PER2: variants seen among roughly 807,000 people sequenced by gnomAD.
The protein encoded by PER2 is period circadian regulator 2, also known as period circadian protein homolog 2.
In PER2, 66 loss-of-function variants were observed where a neutral mutation model predicts 121.0. The ratio of observed to expected loss-of-function variants is 0.55; its 90% CI spans 0.45 to 0.67. PER2 has a LOEUF of 0.67. Among genes scored for constraint, PER2 ranks in the 30% least tolerant of loss-of-function variants. The pLI, the probability that PER2 is intolerant of heterozygous loss-of-function variation, is 0.00. For missense variants in PER2, 1,521 were observed against 1,635.0 expected (o/e 0.93, Z 1.20); for synonymous variants, 684 against 659.9 (o/e 1.04, Z -0.56).
chr2:238,261,949 T>A (rs577691464), intron 11 of PER2, 112 bp from the exon 12 acceptor site: 62 of 789,176 alleles, frequency 7.9e-5, no homozygotes, highest in Non-Finnish European at 1.3e-4. Context: ...GCCTCTCCCC[T>A]GCAGCCCCCC....
At chr2:238,263,157 CA>C in intron 9 of PER2, 99 bp from the exon 10 acceptor site, 1 of 775,906 alleles carries the variant, frequency 1.3e-6, no homozygotes, top group Non-Finnish European at 2.3e-6. Context: ...AGATACACTC[CA>C]AACCCCACCC....
At chr2:238,276,384 G>A (rs1484750055) in intron 3 of PER2, among the ~76,000 whole-genome samples, 1 of 152,226 alleles carries the variant, frequency 6.6e-6, no homozygotes, top group East Asian at 1.9e-4. Flanking sequence ...TGCTGGAGAA[G>A]TCCCTCCAAC....
rs1356183127 is a variant in PER2, at chr2:238,246,164, T to C, written c.*211A>G. The C allele has an allele frequency of 1.5e-5, 5 of 322,776 alleles. No homozygotes were observed. Among genetic ancestry groups the C allele is most frequent in the Middle Eastern group, 8.8e-4 (1 of 1,134 alleles). The allele number at this position is 322,776 out of a possible 1,614,324, so 20.0% of individuals were successfully genotyped here. Reference sequence around the variant, plus strand: ...CACAAAACTCCACATATATATTTTATATATAAAAACATATTTCTTTCCGAA... The same window carrying C: ...CACAAAACTCCACATATATATTTTACATATAAAAACATATTTCTTTCCGAA... On this transcript the variant is annotated 3_prime_UTR_variant, in exon 23 of 23. Transcript: ENST00000254657.
intron 9 of PER2, among the ~76,000 whole-genome samples, chr2:238,265,117 A>G (rs961195106): frequency 4.6e-5 from 7 of 152,226 alleles, no homozygotes; most frequent in African/African-American, 7.2e-5. Flanking sequence ...GCTCTGAGGC[A>G]TGGAGAAAAT....
upstream of PER2, among the ~76,000 whole-genome samples, chr2:238,294,315 C>T (rs1053363345): frequency 6.6e-6 from 1 of 152,194 alleles, no homozygotes; most frequent in Admixed American, 6.5e-5. Context: ...GAGGGGTAGC[C>T]CAGTTGGCAC....
At chr2:238,276,050 G>A (rs1018355762) in intron 3 of PER2, among the ~76,000 whole-genome samples, 153 bp from the exon 4 acceptor site, 11 of 141,392 alleles carry the variant, frequency 7.8e-5, no homozygotes, top group Middle Eastern at 3.8e-3. Flanking sequence ...TCTCAGCCTC[G>A]GCTCTAGAGA....
At chr2:238,278,078 TTC>T (rs201418703) in intron 1 of PER2, 123 bp from the exon 2 acceptor site, 1 of 934,982 alleles carries the variant, frequency 1.1e-6, no homozygotes. Flanking sequence ...TCTTTCTTTC[TTC>T]TCTCTGTCTC....
intron 3 of PER2, 87 bp downstream of exon 3, chr2:238,277,044 C>T (rs1696476699): frequency 2.0e-6 from 2 of 1,018,326 alleles, no homozygotes; most frequent in Admixed American, 1.7e-5. Context: ...TTAAAAAAAG[C>T]CACGTCACTC....
chr2:238,250,471 A>T, intron 21 of PER2, 80 bp downstream of exon 21: 1 of 1,004,766 alleles, frequency 1.0e-6, no homozygotes, highest in Non-Finnish European at 1.5e-6. Context: ...GCCCCATCTG[A>T]ATGACCTTGA....
chr2:238,246,245 T>C lies in PER2; in HGVS notation c.*130A>G, dbSNP rs1695443980. ...CCCTTCAGAAAACTATGTTGTTTTT[T>C]TTTCTAAAACAAAAAAAGCAACATG... On this transcript the variant is annotated 3_prime_UTR_variant, in exon 23 of 23. Coordinates refer to ENST00000254657, the MANE Select transcript of PER2 (RefSeq NM_022817.3). 4.9e-6 allele frequency: 3 copies of C among 614,858 alleles called. No individual in the cohort carries two copies. In the South Asian group the frequency reaches 1.0e-4, roughly 20 times the overall value. 38.1% of individuals were successfully genotyped at this position (614,858 alleles called of 1,614,324 possible).
At chr2:238,250,483 C>T (rs1186719607) in intron 21 of PER2, 68 bp downstream of exon 21, 4 of 1,134,380 alleles carry the variant, frequency 3.5e-6, no homozygotes, top group Non-Finnish European at 5.2e-6. Flanking sequence ...TGACCTTGAC[C>T]TTGTTGTTTC....
chr2:238,274,288 G>A (rs905442992), intron 4 of PER2, among the ~76,000 whole-genome samples: 2 of 152,248 alleles, frequency 1.3e-5, no homozygotes, highest in Non-Finnish European at 2.9e-5. Context: ...GCCAGCTCGA[G>A]GCTGCCACTT....
chr2:238,251,649 T>G lies in PER2; in HGVS notation c.3224A>C (p.Glu1075Ala). ...LCSASGSAAS[E>A]SLGSGSLGCD... Reference sequence around the variant, plus strand: ...GCCCAGTGAGCCGGAGCCCAGAGACTCCGAAGCAGCAGAGCCCGAGGCTGA... The same window carrying G: ...GCCCAGTGAGCCGGAGCCCAGAGACGCCGAAGCAGCAGAGCCCGAGGCTGA... The change falls in exon 20 of 23, where the codon GAG becomes GCG. Residue 1075 changes from glutamate to alanine, a missense_variant. Physicochemically the swap from Glu to Ala is moderately radical, Grantham distance 107. Transcript: ENST00000254657. 1 of 1,614,008 alleles carries G rather than the reference T, an allele frequency of 6.2e-7. No homozygotes were observed. Among genetic ancestry groups the G allele is most frequent in the African/African-American group, 1.3e-5 (1 of 74,974 alleles).
At chr2:238,257,797 G>A (rs1483365514) in intron 16 of PER2, among the ~76,000 whole-genome samples, 1 of 152,226 alleles carries the variant, frequency 6.6e-6, no homozygotes, top group Non-Finnish European at 1.5e-5. Context: ...TAATCCTGGT[G>A]GTGAACATCA....
intron 10 of PER2, 59 bp downstream of exon 10, chr2:238,262,893 C>A (rs868657427): frequency 8.3e-7 from 1 of 1,200,750 alleles, no homozygotes; most frequent in African/African-American, 1.5e-5. Flanking sequence ...AGAAGCAGCC[C>A]CAAGGACACA....
In PER2 at chr2:238,253,651, GT is replaced by G. The variant is rs1198232814; in HGVS notation, c.2371del (p.Thr791GlnfsTer7). 6.2e-7 allele frequency: 1 copy of G among 1,609,140 alleles called. No individual in the cohort carries two copies. Among genetic ancestry groups the G allele is most frequent in the Admixed American group, 1.7e-5 (1 of 59,700 alleles). On this transcript the variant is annotated frameshift_variant, in exon 19 of 23. Transcript: ENST00000254657. LOFTEE classifies it high-confidence loss of function. The surrounding 1 kb of genome is among the most constrained non-coding windows in gnomAD (Gnocchi z 5.6). ...GGACTTCAATTTTCTGTTCTTTCCT[GT>G]TTTTTTCCAAGGTGAATCTATTCCG... ...TSGIDSPWKK[T>X]GKNRKLKSKR...
At position 238,262,172 on chromosome 2, in the gene PER2, G is replaced by C; in HGVS notation, c.1307+19C>G. On this transcript the variant is annotated intron_variant, in intron 11 of 22. Coordinates refer to ENST00000254657, the MANE Select transcript of PER2 (RefSeq NM_022817.3). The stretch of plus-strand genomic sequence containing the variant: ...CCGCCCAAGACCCCTGAGCCACCTC[G>C]GGCCCTTGGAGCACTCACACCCTGA... 2 of 1,612,296 alleles carry C rather than the reference G, an allele frequency of 1.2e-6. No homozygotes were observed.
intron 1 of PER2, among the ~76,000 whole-genome samples, chr2:238,282,070 C>T (rs1025657506): frequency 2.6e-5 from 4 of 152,210 alleles, no homozygotes; most frequent in African/African-American, 7.2e-5. Context: ...GCTTAGCTTA[C>T]GCCCGGCCCG....
the PER2 span, among the ~76,000 whole-genome samples, chr2:238,297,448 G>A: frequency 6.6e-6 from 1 of 152,202 alleles, no homozygotes; most frequent in East Asian, 1.9e-4. Context: ...GGGACTCAGA[G>A]AGTGAGTGAA....
Sources: gnomAD v4.1 joint callset for allele counts (sites outside exome capture counted in the v4.1 genomes callset) on GRCh38, gnomAD v4.1.1 for gene constraint, Gnocchi (gnomAD v3.1) non-coding constraint, MANE v1.5 for transcripts, NCBI Gene and HGNC (gene_info 2026-07-23, HGNC 2026-07-21) for gene names.